NKAIN3: variants seen among roughly 807,000 people sequenced by gnomAD.
NKAIN3 encodes the protein sodium/potassium transporting ATPase interacting 3.
In NKAIN3, 25 loss-of-function variants were observed where a neutral mutation model predicts 30.2. The ratio of observed to expected loss-of-function variants is 0.83; its 90% CI spans 0.60 to 1.16. The LOEUF (loss-of-function observed/expected upper bound fraction) is 1.16, where lower values mean the gene tolerates loss of function less well. Ranked by LOEUF, NKAIN3 falls within the 50% of genes most tolerant of loss-of-function variation. The pLI is 0.00. For missense variants in NKAIN3, 225 were observed against 254.1 expected, an observed-to-expected ratio of 0.89 and a Z score of 0.78; for synonymous variants, 91 against 89.6, an observed-to-expected ratio of 1.02 and a Z score of -0.09.
At chr8:62,381,169 G>T (rs895496556) in intron 1 of NKAIN3, among the ~76,000 whole-genome samples, 1 of 152,056 alleles carries the variant, frequency 6.6e-6, no homozygotes, top group African/African-American at 2.4e-5. Context: ...TATCATTTCT[G>T]AATATGTGGA....
chr8:62,316,345 A>G (rs1217045530), intron 1 of NKAIN3, among the ~76,000 whole-genome samples: 2 of 152,050 alleles, frequency 1.3e-5, no homozygotes, highest in African/African-American at 2.4e-5. Context: ...TTAGTTACAT[A>G]TATATACTTG....
At position 62,972,282 on chromosome 8, in the gene NKAIN3, C is replaced by T. The variant is rs538651265; in HGVS notation, c.*6875C>T. ...CTCTTTTTCTTCAAGAACATAATAT[C>T]GGCTGAAGTGGAATGAGTATTCAAA... is the stretch of plus-strand genomic sequence containing the variant. On this transcript the variant is annotated 3_prime_UTR_variant, in exon 7 of 7. Coordinates refer to ENST00000623646, the MANE Select transcript of NKAIN3 (RefSeq NM_001304533.3). Among the ~76,000 whole-genome samples the T allele has an allele frequency of 2.0e-5, 3 of 151,988 alleles. No individual in the cohort carries two copies. The highest frequency in any genetic ancestry group is 6.6e-5 in the Admixed American group (1 of 15,244).
At chr8:62,632,691 C>T (rs934929843) in intron 3 of NKAIN3, among the ~76,000 whole-genome samples, 14 of 151,822 alleles carry the variant, frequency 9.2e-5, no homozygotes, top group Non-Finnish European at 2.1e-4. Context: ...TTAGTAGAGA[C>T]GGGGTTTCAC....
chr8:62,447,713 A>G (rs978400046), intron 1 of NKAIN3, among the ~76,000 whole-genome samples: 1 of 152,054 alleles, frequency 6.6e-6, no homozygotes, highest in Admixed American at 6.6e-5. Flanking sequence ...AGAAATTCAG[A>G]CATTCTGGCA....
At position 62,261,672 on chromosome 8, in the gene NKAIN3, CA is replaced by C. The variant is rs150511075; in HGVS notation, c.54+12549del. On this transcript the variant is annotated intron_variant, in intron 1 of 6. Transcript: ENST00000623646. Reference sequence around the variant, plus strand: ...TCTGCATTTTCCATTGTCCCCACATCAAAATACTAAATATTCTATCTTGAAG... The same window carrying C: ...TCTGCATTTTCCATTGTCCCCACATCAAATACTAAATATTCTATCTTGAAG... Among the ~76,000 whole-genome samples the C allele has an allele frequency of 5.2e-3, 785 of 152,296 alleles. 6 individuals carry two copies. Among genetic ancestry groups the C allele is most frequent in the Non-Finnish European group, 8.1e-3 (552 of 68,026 alleles).
intron 3 of NKAIN3, among the ~76,000 whole-genome samples, chr8:62,746,368 C>T (rs1563543197): frequency 6.6e-6 from 1 of 152,228 alleles, no homozygotes; most frequent in Non-Finnish European, 1.5e-5. Context: ...TTAATCACAT[C>T]TGCTCAGTCC....
At chr8:62,277,492 G>T (rs928018311) in intron 1 of NKAIN3, among the ~76,000 whole-genome samples, 19 of 152,108 alleles carry the variant, frequency 1.2e-4, no homozygotes, top group African/African-American at 4.3e-4. Context: ...CTTTGGTGGT[G>T]ACTGACGTCT....
chr8:62,571,023 T>C (rs1376220030), intron 1 of NKAIN3, among the ~76,000 whole-genome samples: 1 of 152,200 alleles, frequency 6.6e-6, no homozygotes, highest in Non-Finnish European at 1.5e-5. Flanking sequence ...TTCATAAACA[T>C]GAAGAATCAA....
intron 4 of NKAIN3, among the ~76,000 whole-genome samples, chr8:62,832,676 C>A (rs1308491163): frequency 6.7e-6 from 1 of 149,146 alleles, no homozygotes; most frequent in Non-Finnish European, 1.5e-5. Context: ...AATATTGGAG[C>A]ACCCAGATAC....
chr8:62,354,948 G>T (rs527975532), intron 1 of NKAIN3, among the ~76,000 whole-genome samples: 1 of 152,120 alleles, frequency 6.6e-6, no homozygotes, highest in Non-Finnish European at 1.5e-5. Context: ...CTCCTGGAGG[G>T]TGATTTATCT....
intron 4 of NKAIN3, among the ~76,000 whole-genome samples, chr8:62,905,285 A>T (rs532619731): frequency 2.6e-5 from 4 of 152,268 alleles, no homozygotes; most frequent in African/African-American, 9.6e-5. Flanking sequence ...AGAGTGGAAG[A>T]TAAGCCTTGG....
intron 4 of NKAIN3, among the ~76,000 whole-genome samples, chr8:62,822,729 G>C (rs867817401): frequency 6.6e-6 from 1 of 152,106 alleles, no homozygotes; most frequent in Admixed American, 6.6e-5. Flanking sequence ...TCCTTTTGCC[G>C]AAGGTGTTTG....
At chr8:62,280,133 G>A (rs1321201470) in intron 1 of NKAIN3, among the ~76,000 whole-genome samples, 3 of 150,992 alleles carry the variant, frequency 2.0e-5, no homozygotes, top group Admixed American at 1.3e-4. Flanking sequence ...TCTCTTTGAA[G>A]CAATTGTGAA....
At chr8:62,899,681 A>G (rs1047205398) in intron 4 of NKAIN3, among the ~76,000 whole-genome samples, 2 of 152,186 alleles carry the variant, frequency 1.3e-5, no homozygotes, top group African/African-American at 2.4e-5. Flanking sequence ...TTGATAGCAT[A>G]ACAGGGTGAC....
At chr8:62,793,393 C>G (rs1302818418) in intron 4 of NKAIN3, among the ~76,000 whole-genome samples, 6 of 152,170 alleles carry the variant, frequency 3.9e-5, no homozygotes, top group Non-Finnish European at 7.3e-5. Flanking sequence ...GCACCCCAAG[C>G]CCTTCTCCAA....
At chr8:62,662,275 A>G (rs1457142735) in intron 3 of NKAIN3, among the ~76,000 whole-genome samples, 2 of 152,198 alleles carry the variant, frequency 1.3e-5, no homozygotes, top group Non-Finnish European at 2.9e-5. Flanking sequence ...CTCTCACCAG[A>G]CTGTCCAAAT....
chr8:62,625,949 C>CA (rs55634777), intron 3 of NKAIN3, among the ~76,000 whole-genome samples: 30,654 of 151,470 alleles, frequency 0.2, 3,218 homozygotes, highest in East Asian at 0.31. Context: ...ACATAATTGA[C>CA]AAAAAAAATC....
chr8:62,462,333 A>T (rs1806023869), intron 1 of NKAIN3, among the ~76,000 whole-genome samples: 1 of 152,158 alleles, frequency 6.6e-6, no homozygotes, highest in South Asian at 2.1e-4. Context: ...TTGCAAGGTC[A>T]AGCAGTACTG....
chr8:62,374,113 C>CAAAAAAAAA (rs66521184), intron 1 of NKAIN3, among the ~76,000 whole-genome samples: 4 of 64,338 alleles, frequency 6.2e-5, no homozygotes, highest in Admixed American at 1.8e-4. Context: ...ACTCCATCTC[C>CAAAAAAAAA]AAAAAAAAAA....
Sources: gnomAD v4.1 joint callset for allele counts (sites outside exome capture counted in the v4.1 genomes callset) on GRCh38, gnomAD v4.1.1 for gene constraint, MANE v1.5 for transcripts, NCBI Gene and HGNC (gene_info 2026-07-23, HGNC 2026-07-21) for gene names.